EHMT1: variants seen among roughly 807,000 people sequenced by gnomAD.
EHMT1 encodes histone-lysine N-methyltransferase EHMT1.
A neutral mutation model predicts 147.2 loss-of-function variants in EHMT1; 15 were observed. The ratio of observed to expected loss-of-function variants is 0.10; its 90% CI spans 0.07 to 0.16. EHMT1 has a LOEUF of 0.16. Among genes scored for constraint, EHMT1 ranks in the 10% least tolerant of loss-of-function variants. The pLI, the probability that EHMT1 is intolerant of heterozygous loss-of-function variation, is 1.00. For missense variants in EHMT1, 1,587 were observed against 1,772.4 expected, an observed-to-expected ratio of 0.90 and a Z score of 1.88; for synonymous variants, 795 against 709.6, an observed-to-expected ratio of 1.12 and a Z score of -1.91.
chr9:137,632,729 C>T (rs190275370), intron 1 of EHMT1, among the ~76,000 whole-genome samples: 2 of 152,210 alleles, frequency 1.3e-5, no homozygotes, highest in South Asian at 2.1e-4. Context: ...GGATTACAGG[C>T]GTGAGCCACT....
chr9:137,669,890 G>A (rs899368138), intron 1 of EHMT1, among the ~76,000 whole-genome samples: 9 of 151,822 alleles, frequency 5.9e-5, no homozygotes, highest in Non-Finnish European at 1.0e-4. Context: ...TTGCTCTGTC[G>A]CCCAGGGTGG....
chr9:137,810,618 C>G (rs1201220113), intron 18 of EHMT1, among the ~76,000 whole-genome samples: 3 of 151,956 alleles, frequency 2.0e-5, no homozygotes, highest in African/African-American at 7.3e-5. Context: ...GATTATAAAT[C>G]ATCTATATTT....
At chr9:137,745,086 C>T (rs1244173807) in intron 6 of EHMT1, among the ~76,000 whole-genome samples, 2 of 152,222 alleles carry the variant, frequency 1.3e-5, no homozygotes, top group Non-Finnish European at 2.9e-5. Context: ...AATCTTGTAT[C>T]TAAGAAGTTA....
intron 1 of EHMT1, among the ~76,000 whole-genome samples, chr9:137,705,287 C>A (rs147559409): frequency 3.3e-5 from 5 of 152,150 alleles, no homozygotes; most frequent in African/African-American, 1.2e-4. Flanking sequence ...GCCACTACAC[C>A]GGCCTGGGAA....
At chr9:137,642,690 T>C (rs1177399453) in intron 1 of EHMT1, among the ~76,000 whole-genome samples, 1 of 152,252 alleles carries the variant, frequency 6.6e-6, no homozygotes. Flanking sequence ...TCTTGTACTG[T>C]TATTGTCATA....
intron 1 of EHMT1, among the ~76,000 whole-genome samples, chr9:137,655,170 T>C (rs1055961114): frequency 1.3e-5 from 2 of 152,010 alleles, no homozygotes; most frequent in Non-Finnish European, 2.9e-5. Flanking sequence ...GGCTAATTTT[T>C]GTATTTTTGT....
At chr9:137,695,533 A>G (rs1396477311) in intron 1 of EHMT1, among the ~76,000 whole-genome samples, 1 of 152,258 alleles carries the variant, frequency 6.6e-6, no homozygotes, top group African/African-American at 2.4e-5. Context: ...TTCAGACGGC[A>G]CAGAGGAGAT....
intron 1 of EHMT1, among the ~76,000 whole-genome samples, chr9:137,691,031 C>G (rs1942884602): frequency 6.6e-6 from 1 of 152,146 alleles, no homozygotes; most frequent in Admixed American, 6.6e-5. Context: ...GCTGTTACCA[C>G]CATCCAGCTC....
chr9:137,833,444 C>T (rs1358048194), intron 25 of EHMT1, among the ~76,000 whole-genome samples: 2 of 152,252 alleles, frequency 1.3e-5, no homozygotes, highest in African/African-American at 4.8e-5. Context: ...GAGCCCAGGT[C>T]CCTGTGGTTG....
At position 137,632,515 on chromosome 9, in the gene EHMT1, C is replaced by T. The variant is rs144430718; in HGVS notation, c.21+13466C>T. ...AACTCCTGGGCTCGAGCAGTCCTCC[C>T]GCCTCAGCCTCCCGAGTAGCTGGGA... On this transcript the variant is annotated intron_variant, in intron 1 of 26. Transcript: ENST00000460843. 7.7e-3 allele frequency among the ~76,000 whole-genome samples: 1,168 copies of T among 152,236 alleles called. 13 individuals carry two copies. The highest frequency in any genetic ancestry group is 0.026 in the African/African-American group (1,083 of 41,528).
intron 17 of EHMT1, among the ~76,000 whole-genome samples, chr9:137,800,127 A>T (rs1023804636): frequency 6.6e-6 from 1 of 152,116 alleles, no homozygotes; most frequent in Non-Finnish European, 1.5e-5. Flanking sequence ...TGACATTGGG[A>T]TGTGCAGGTC....
intron 1 of EHMT1, among the ~76,000 whole-genome samples, chr9:137,634,378 A>G (rs1028591425): frequency 6.6e-6 from 1 of 152,202 alleles, no homozygotes; most frequent in African/African-American, 2.4e-5. Context: ...TTGGCTCAGC[A>G]GCGTTTGTTG....
At chr9:137,658,340 G>A (rs908513429) in intron 1 of EHMT1, among the ~76,000 whole-genome samples, 8 of 152,050 alleles carry the variant, frequency 5.3e-5, no homozygotes, top group East Asian at 1.9e-4. Context: ...TAGTAGAGAC[G>A]GGGTTTCACC....
chr9:137,727,033 C>T (rs956973630), intron 3 of EHMT1, among the ~76,000 whole-genome samples: 2 of 152,166 alleles, frequency 1.3e-5, no homozygotes, highest in African/African-American at 4.8e-5. Flanking sequence ...AGTTGTAAGA[C>T]TTTTTCATGT....
Position 137,798,863 on chromosome 9 carries a change from C to T in EHMT1, c.2556C>T (p.Tyr852=), listed in dbSNP as rs369283972. Residue 852 remains tyrosine, a synonymous_variant, in exon 17 of 27, where the codon TAC becomes TAT. Transcript: ENST00000460843. ...ACCTGGCTGCCAAGAAAGGCCACTA[C>T]GAAGTGGTCCAGTACCTGCTTTCAA... The part of the protein sequence containing the change: ...CLHLAAKKGH[Y]EVVQYLLSNG... The T allele has an allele frequency of 1.2e-5, 20 of 1,614,192 alleles. No individual in the cohort carries two copies. In the Middle Eastern group the frequency reaches 4.9e-4, roughly 40 times the overall value.
chr9:137,625,482 C>CGGCATAGCGAG (rs1843198473), intron 1 of EHMT1, among the ~76,000 whole-genome samples: 1 of 151,972 alleles, frequency 6.6e-6, no homozygotes, highest in African/African-American at 2.4e-5. Context: ...GGACTACAGG[C>CGGCATAGCGAG]ACGTGCTACC....
At chr9:137,709,736 T>C (rs1944536995) in intron 1 of EHMT1, among the ~76,000 whole-genome samples, 1 of 152,176 alleles carries the variant, frequency 6.6e-6, no homozygotes, top group Admixed American at 6.5e-5. Flanking sequence ...GCTGTCTGAC[T>C]GGCTGCTCCT....
At chr9:137,745,039 A>G (rs1948431291) in intron 6 of EHMT1, among the ~76,000 whole-genome samples, 1 of 152,266 alleles carries the variant, frequency 6.6e-6, no homozygotes, top group Admixed American at 6.5e-5. Flanking sequence ...TCTGTGGTTT[A>G]TTGTTCGAGT....
intron 1 of EHMT1, among the ~76,000 whole-genome samples, chr9:137,692,380 T>A (rs1943014466): frequency 1.3e-5 from 2 of 151,074 alleles, no homozygotes; most frequent in Non-Finnish European, 2.9e-5. Context: ...TTCTCCTGCC[T>A]CAGCCTCCCA....
Sources: allele counts gnomAD v4.1 joint callset (sites outside exome capture counted in the v4.1 genomes callset), GRCh38; gene constraint gnomAD v4.1.1; transcripts MANE v1.5; gene names NCBI Gene and HGNC (gene_info 2026-07-23, HGNC 2026-07-21).